The following ENPP3 variants were observed in gnomAD, a reference collection of about 807,000 sequenced individuals.
The protein encoded by ENPP3 is ectonucleotide pyrophosphatase/phosphodiesterase family member 3.
ENPP3 carries 104 observed loss-of-function variants against 117.8 expected under a neutral mutation model. The observed-to-expected ratio is 0.88, with a 90% CI of 0.75 to 1.04. The LOEUF (loss-of-function observed/expected upper bound fraction) is 1.04, where lower values mean the gene tolerates loss of function less well. ENPP3 is among the 50% of genes least tolerant of loss of function. The probability of loss-of-function intolerance (pLI) is 0.00; values close to 1 mark genes in which losing one functional copy is unlikely to be tolerated. For missense variants in ENPP3, 1,026 were observed against 1,051.9 expected (o/e 0.98, Z 0.34); for synonymous variants, 380 against 349.9 (o/e 1.09, Z -0.96).
chr6:131,684,260 A>G (rs1779099486), intron 12 of ENPP3, among the ~76,000 whole-genome samples: 1 of 152,232 alleles, frequency 6.6e-6, no homozygotes, highest in African/African-American at 2.4e-5. Flanking sequence ...GCATCCAGAT[A>G]ATGGGAAACA....
At chr6:131,638,125 A>G (rs1777965940) in intron 1 of ENPP3, among the ~76,000 whole-genome samples, 2 of 151,710 alleles carry the variant, frequency 1.3e-5, no homozygotes, top group South Asian at 2.1e-4. Context: ...GCCCCCAACC[A>G]TTCCTTTGTG....
intron 2 of ENPP3, among the ~76,000 whole-genome samples, chr6:131,643,943 C>G (rs200532357): frequency 1.1e-4 from 16 of 143,056 alleles, no homozygotes; most frequent in African/African-American, 2.3e-4. Context: ...GTGTGTGTGT[C>G]TGTGTGTGTG....
intron 15 of ENPP3, among the ~76,000 whole-genome samples, chr6:131,707,382 CTT>C (rs1229341017): frequency 2.7e-5 from 2 of 73,006 alleles, no homozygotes; most frequent in East Asian, 5.7e-4. Flanking sequence ...ATAGCTATCT[CTT>C]TGTTTCATTG....
chr6:131,735,673 T>C (rs1780381495), intron 21 of ENPP3, among the ~76,000 whole-genome samples: 1 of 152,154 alleles, frequency 6.6e-6, no homozygotes, highest in Non-Finnish European at 1.5e-5. Flanking sequence ...TTCATATAAG[T>C]GGAATTGTGC....
At chr6:131,657,384 A>AT (rs1310717148) in intron 5 of ENPP3, among the ~76,000 whole-genome samples, 1 of 152,174 alleles carries the variant, frequency 6.6e-6, no homozygotes, top group Non-Finnish European at 1.5e-5. Flanking sequence ...ATCATCATAC[A>AT]TTCCTGTTTT....
chr6:131,724,082 C>A lies in ENPP3; in HGVS notation c.1789C>A (p.Gln597Lys). Reference protein sequence around the residue: ...EQVNQMLNLTQEEITATVKVN... With the variant: ...EQVNQMLNLTKEEITATVKVN... ...AGTGAATCAGATGCTAAATCTCACC[C>A]AAGAAGAAAGTAAGTCAATAGAAAA... Residue 597 changes from glutamine to lysine, a missense_variant, in exon 19 of 25, where the codon CAA becomes AAA. Coordinates refer to ENST00000357639, the MANE Select transcript of ENPP3 (RefSeq NM_005021.5). 1 of 1,608,536 alleles carries A rather than the reference C, an allele frequency of 6.2e-7. No homozygotes were observed. The highest frequency in any genetic ancestry group is 8.5e-7 in the Non-Finnish European group (1 of 1,175,446).
In ENPP3 at chr6:131,722,333, G is replaced by GCAA; in HGVS notation, c.1674_1675insCAA (p.Lys558_Phe559insGln). 3 of 1,614,068 alleles carry GCAA rather than the reference G, an allele frequency of 1.9e-6. No homozygotes were observed. The African/African-American group carries it at 4.0e-5, about 22-fold the overall frequency. On this transcript the variant is annotated inframe_insertion, in exon 18 of 25. Coordinates refer to ENST00000357639, the MANE Select transcript of ENPP3 (RefSeq NM_005021.5). ...CATCCCATGCAGAGGAGGTGTCAAA[G>GCAA]TTTTCTGTTTGTGGCTTTGCTAATC...
At chr6:131,668,275 C>T (rs531796679) in intron 6 of ENPP3, among the ~76,000 whole-genome samples, 4 of 138,172 alleles carry the variant, frequency 2.9e-5, no homozygotes, top group African/African-American at 5.6e-5. Flanking sequence ...CACAGTGGCA[C>T]GATCTCAGCT....
chr6:131,733,558 C>A lies in ENPP3; in HGVS notation c.1954-30C>A, dbSNP rs372658106. On this transcript the variant is annotated intron_variant, in intron 20 of 24. Transcript: ENST00000357639. Reference sequence around the variant, plus strand: ...GCAATGGGTGAGCCGCAATTGTGGGCGTAATTTTTTTCTCTCTCTCTTTGA... The same window carrying A: ...GCAATGGGTGAGCCGCAATTGTGGGAGTAATTTTTTTCTCTCTCTCTTTGA... The A allele has an allele frequency of 2.5e-6, 4 of 1,596,822 alleles. No individual in the cohort carries two copies. In the East Asian group the frequency reaches 6.8e-5, roughly 27 times the overall value.
chr6:131,726,729 A>G (rs1216857342), intron 20 of ENPP3, among the ~76,000 whole-genome samples: 2 of 152,182 alleles, frequency 1.3e-5, no homozygotes, highest in Non-Finnish European at 2.9e-5. Context: ...GCATTATGTC[A>G]CAGATCTCCA....
chr6:131,641,799 GTTTTTTT>G (rs540011427), intron 2 of ENPP3, among the ~76,000 whole-genome samples: 62 of 64,062 alleles, frequency 9.7e-4, no homozygotes, highest in African/African-American at 4.5e-3. Context: ...CTCCACCCTG[GTTTTTTT>G]TTTTTTTTTT....
At chr6:131,731,544 G>A (rs186320044) in intron 20 of ENPP3, among the ~76,000 whole-genome samples, 4 of 152,272 alleles carry the variant, frequency 2.6e-5, no homozygotes, top group East Asian at 3.9e-4. Flanking sequence ...TCTTGGCTGT[G>A]CCTTGTGTCT....
intron 6 of ENPP3, among the ~76,000 whole-genome samples, chr6:131,664,155 A>G (rs963522443): frequency 6.6e-6 from 1 of 152,174 alleles, no homozygotes; most frequent in African/African-American, 2.4e-5. Flanking sequence ...GTTATCATAG[A>G]AGATGACAGC....
intron 15 of ENPP3, among the ~76,000 whole-genome samples, chr6:131,694,083 T>C (rs577220613): frequency 6.6e-6 from 1 of 152,380 alleles, no homozygotes; most frequent in Non-Finnish European, 1.5e-5. Context: ...TTACTATTTA[T>C]AATGGTAATT....
At chr6:131,643,594 C>T (rs546721926) in intron 2 of ENPP3, among the ~76,000 whole-genome samples, 1 of 152,274 alleles carries the variant, frequency 6.6e-6, no homozygotes, top group African/African-American at 2.4e-5. Flanking sequence ...CTCCTAAACC[C>T]CAACCCTGGG....
intron 17 of ENPP3, among the ~76,000 whole-genome samples, chr6:131,721,787 A>C (rs1780038828): frequency 6.6e-6 from 1 of 152,210 alleles, no homozygotes. Flanking sequence ...CTAGAAAATC[A>C]TGATATGCTT....
intron 11 of ENPP3, among the ~76,000 whole-genome samples, chr6:131,679,360 G>A (rs1035085376): frequency 6.6e-6 from 1 of 151,928 alleles, no homozygotes; most frequent in Non-Finnish European, 1.5e-5. Flanking sequence ...CTCCCAAAGT[G>A]TTGGGATTAC....
chr6:131,746,878 C>T lies in ENPP3; in HGVS notation c.2550C>T (p.Phe850=). The change falls in exon 25 of 25, where the codon TTC becomes TTT. Residue 850 remains phenylalanine, a synonymous_variant. Transcript: ENST00000357639. ...TAGAACTTCTCACTGGGCTTGACTT[C>T]TATCAGGATAAAGTGCAGCCTGTCT... ...RDVELLTGLD[F]YQDKVQPVSE... The T allele has an allele frequency of 6.2e-7, 1 of 1,613,006 alleles. No individual in the cohort carries two copies. Among genetic ancestry groups the T allele is most frequent in the South Asian group, 1.1e-5 (1 of 90,972 alleles).
intron 16 of ENPP3, among the ~76,000 whole-genome samples, chr6:131,719,382 A>AAC (rs3032879): frequency 0.075 from 9,945 of 133,026 alleles, 466 homozygotes; most frequent in African/African-American, 0.14. Flanking sequence ...TTCCATTTGT[A>AAC]ACACACACAC....
Sources: gnomAD v4.1 joint callset for allele counts (sites outside exome capture counted in the v4.1 genomes callset) on GRCh38, gnomAD v4.1.1 for gene constraint, MANE v1.5 for transcripts, NCBI Gene and HGNC (gene_info 2026-07-23, HGNC 2026-07-21) for gene names.